The following C1QTNF7 variants were observed in gnomAD, a reference collection of about 807,000 sequenced individuals.
C1QTNF7 encodes the protein C1q and TNF related 7.
C1QTNF7 carries 15 observed loss-of-function variants against 19.6 expected under a neutral mutation model. The observed-to-expected ratio is 0.76, with a 90% confidence interval of 0.51 to 1.18. The LOEUF (loss-of-function observed/expected upper bound fraction) is 1.18. C1QTNF7 is among the 50% of genes most tolerant of loss of function. The pLI is 0.00. For missense variants in C1QTNF7, 324 were observed against 359.7 expected (o/e 0.90, Z 0.80); for synonymous variants, 142 against 137.5 (o/e 1.03, Z -0.23).
rs1712921850 is a variant in C1QTNF7 at position 15,444,580 on chromosome 4, G to A, written c.*1781G>A. 1 of 152,106 alleles carries A rather than the reference G, an allele frequency of 6.6e-6. No individual in the cohort carries two copies. Among genetic ancestry groups the A allele is most frequent in the African/African-American group, 2.4e-5 (1 of 41,402 alleles). The allele number at this position is 152,106 out of a possible 1,614,324, so 9.4% of individuals were successfully genotyped here. On this transcript the variant is annotated 3_prime_UTR_variant, in exon 3 of 3. Transcript: ENST00000444304. ...GACTAGTAAATTTCTAAGGATACCA[G>A]AAAGGAAATGGCATGCACACACACA...
rs61609914 is a variant in C1QTNF7, at chr4:15,420,826, C to CTTTTTTTTTTTTT, written c.14-14893_14-14881dup. Among the ~76,000 whole-genome samples the CTTTTTTTTTTTTT allele has an allele frequency of 1.7e-4, 11 of 66,242 alleles. 1 individual carries two copies. Among genetic ancestry groups the CTTTTTTTTTTTTT allele is most frequent in the East Asian group, 5.3e-4 (1 of 1,870 alleles). 43.5% of individuals were successfully genotyped at this position (66,242 alleles called of 152,430 possible). On this transcript the variant is annotated intron_variant, in intron 1 of 2. Transcript: ENST00000295297. ...CTAGGGTAACATTCCACTGCTTTGT[C>CTTTTTTTTTTTTT]TTTTTTTTTTTTTTTTTTTTTTTTT... is the stretch of plus-strand genomic sequence containing the variant.
At chr4:15,359,691 T>C (rs1004093328) in intron 1 of C1QTNF7, among the ~76,000 whole-genome samples, 2 of 152,136 alleles carry the variant, frequency 1.3e-5, no homozygotes, top group East Asian at 1.9e-4. Flanking sequence ...AATTTTAGCA[T>C]TGACGGGACC....
At chr4:15,368,879 A>C (rs192058943) in intron 1 of C1QTNF7, among the ~76,000 whole-genome samples, 12 of 152,380 alleles carry the variant, frequency 7.9e-5, no homozygotes, top group Admixed American at 2.6e-4. Flanking sequence ...AGAGTTCTTT[A>C]GGGCAGATGG....
intron 1 of C1QTNF7, among the ~76,000 whole-genome samples, chr4:15,389,701 G>A (rs964401785): frequency 7.9e-5 from 12 of 152,252 alleles, no homozygotes; most frequent in African/African-American, 2.9e-4. Context: ...TTACAGGTGT[G>A]AGCCACCTCA....
In C1QTNF7 at chr4:15,394,518, G is replaced by A. The variant is rs947095585; in HGVS notation, c.14-41218G>A. On this transcript the variant is annotated intron_variant, in intron 1 of 2. Coordinates refer to the C1QTNF7 transcript ENST00000295297. ...CATCCTCATATGTGTACATGTTTGT[G>A]CAGAGTCTCAAAAAGGTGGAAGAAT... 4.6e-5 allele frequency among the ~76,000 whole-genome samples: 7 copies of A among 152,330 alleles called. No individual in the cohort carries two copies. In the South Asian group the frequency reaches 1.4e-3, roughly 32 times the overall value.
Position 15,435,740 on chromosome 4 carries a change from A to G in C1QTNF7, c.-4A>G. On this transcript the variant is annotated 5_prime_UTR_variant, in exon 2 of 3. Transcript: ENST00000444304. Reference sequence around the variant, plus strand: ...GTCTGTGTGTTTCTCTTCCAGAGCCAAAGATGTTTGTCTTGCTCTATGTTA... The same window carrying G: ...GTCTGTGTGTTTCTCTTCCAGAGCCGAAGATGTTTGTCTTGCTCTATGTTA... 6.2e-7 allele frequency: 1 copy of G among 1,614,182 alleles called. No individual in the cohort carries two copies. The highest frequency in any genetic ancestry group is 1.3e-5 in the African/African-American group (1 of 75,064).
intron 1 of C1QTNF7, 97 bp downstream of exon 1, chr4:15,428,203 C>T: frequency 2.6e-6 from 1 of 389,340 alleles, no homozygotes; most frequent in Non-Finnish European, 3.5e-6. Context: ...ACAGATGGCT[C>T]TGTAGGAAGA....
At chr4:15,421,836 G>A (rs1247858900) in intron 1 of C1QTNF7, among the ~76,000 whole-genome samples, 1 of 152,194 alleles carries the variant, frequency 6.6e-6, no homozygotes, top group Non-Finnish European at 1.5e-5. Context: ...AAAATTTGTG[G>A]TACAACCGTA....
chr4:15,389,330 G>A (rs553133585), intron 1 of C1QTNF7, among the ~76,000 whole-genome samples: 21 of 152,274 alleles, frequency 1.4e-4, no homozygotes, highest in African/African-American at 5.1e-4. Context: ...GTAAGTGGGA[G>A]GCAGGAGTGA....
chr4:15,373,521 CAACAAAATGAGGTAAGTGCAATGGG>C (rs1227095957), intron 1 of C1QTNF7, among the ~76,000 whole-genome samples: 1 of 152,176 alleles, frequency 6.6e-6, no homozygotes, highest in Admixed American at 6.5e-5. Flanking sequence ...ATTCTAACCA[CAACAAAATGAGGTAAGTGCAATGGG>C]ACAGGGATCA....
chr4:15,442,142 A>C, intron 2 of C1QTNF7, 26 bp from the exon 3 acceptor site: 1 of 1,558,354 alleles, frequency 6.4e-7, no homozygotes, highest in Non-Finnish European at 8.6e-7. Context: ...AGGAACTATT[A>C]ATCAAACTAT....
chr4:15,403,152 T>C (rs1719056933), intron 1 of C1QTNF7, among the ~76,000 whole-genome samples: 1 of 152,154 alleles, frequency 6.6e-6, no homozygotes, highest in Non-Finnish European at 1.5e-5. Context: ...CAAAATACTA[T>C]GCAAGCCCAG....
At position 15,363,640 on chromosome 4, in the gene C1QTNF7, G is replaced by A. The variant is rs565136578; in HGVS notation, c.13+23433G>A. Among the ~76,000 whole-genome samples, 187 of 152,192 alleles carry A rather than the reference G, an allele frequency of 1.2e-3. 1 individual carries two copies. Among genetic ancestry groups the A allele is most frequent in the African/African-American group, 4.2e-3 (174 of 41,522 alleles). Reference sequence around the variant, plus strand: ...TAGCCACAAAGGCTCCCAGGAAGGTGGGCATTTACCTGGCCACATTGCCTC... The same window carrying A: ...TAGCCACAAAGGCTCCCAGGAAGGTAGGCATTTACCTGGCCACATTGCCTC... On this transcript the variant is annotated intron_variant, in intron 1 of 2. Coordinates refer to the C1QTNF7 transcript ENST00000295297.
chr4:15,364,489 T>C lies in C1QTNF7; in HGVS notation c.13+24282T>C, dbSNP rs969759547. ...AGCTGATGACTACAGCCTGCCACCA[T>C]GTAGATGGGGGAAGGAAATTTATGG... On this transcript the variant is annotated intron_variant, in intron 1 of 2. Transcript: ENST00000295297. 2.6e-5 allele frequency among the ~76,000 whole-genome samples: 4 copies of C among 152,256 alleles called. No individual in the cohort carries two copies. The East Asian group carries it at 7.7e-4, about 29-fold the overall frequency.
At chr4:15,377,866 A>G (rs1002819116) in intron 1 of C1QTNF7, among the ~76,000 whole-genome samples, 1 of 152,236 alleles carries the variant, frequency 6.6e-6, no homozygotes, top group African/African-American at 2.4e-5. Context: ...CAACTAGCAT[A>G]ATAGATACCT....
At chr4:15,434,738 C>G (rs1029209774) in intron 1 of C1QTNF7, among the ~76,000 whole-genome samples, 1 of 152,164 alleles carries the variant, frequency 6.6e-6, no homozygotes, top group Non-Finnish European at 1.5e-5. Flanking sequence ...AGCTTCTAGG[C>G]TTTATGGGGG....
intron 1 of C1QTNF7, among the ~76,000 whole-genome samples, chr4:15,389,791 T>C (rs1243370406): frequency 1.3e-5 from 2 of 152,122 alleles, no homozygotes; most frequent in Non-Finnish European, 1.5e-5. Flanking sequence ...GAGATTTTCA[T>C]AAACTGTCTT....
chr4:15,421,324 G>A (rs1711750464), intron 1 of C1QTNF7, among the ~76,000 whole-genome samples: 2 of 152,122 alleles, frequency 1.3e-5, no homozygotes, highest in African/African-American at 4.8e-5. Flanking sequence ...GGAGTGGTTT[G>A]CATCATTGAG....
chr4:15,369,553 T>A (rs990424203), intron 1 of C1QTNF7, among the ~76,000 whole-genome samples: 2 of 152,240 alleles, frequency 1.3e-5, no homozygotes, highest in African/African-American at 4.8e-5. Flanking sequence ...TTATCATATA[T>A]AAATTATTTT....
Sources: gnomAD v4.1 joint callset for allele counts (sites outside exome capture counted in the v4.1 genomes callset) on GRCh38, gnomAD v4.1.1 for gene constraint, MANE v1.5 for transcripts, NCBI Gene and HGNC (gene_info 2026-07-23, HGNC 2026-07-21) for gene names.